KCNQ1: variants seen among roughly 807,000 people sequenced by gnomAD.
KCNQ1 encodes potassium voltage-gated channel subfamily Q member 1.
KCNQ1 carries 49 observed loss-of-function variants against 72.4 expected under a neutral mutation model. That is an observed-to-expected ratio of 0.68 (90% CI 0.54 to 0.86). The LOEUF (loss-of-function observed/expected upper bound fraction) is 0.86. Among genes scored for constraint, KCNQ1 ranks in the 40% least tolerant of loss-of-function variants. KCNQ1 has a pLI of 0.00. For missense variants in KCNQ1, 790 were observed against 945.1 expected, an observed-to-expected ratio of 0.84 and a Z score of 2.15; for synonymous variants, 450 against 412.6, an observed-to-expected ratio of 1.09 and a Z score of -1.10.
In KCNQ1 at chr11:2,592,385, A is replaced by G. The variant is rs1345089396; in HGVS notation, c.1393+3531A>G. The stretch of plus-strand genomic sequence containing the variant: ...GTCCCCCATGGTAGCATCAGAACAC[A>G]GACTAACCTGCAGCAAAAATGGGCT... On this transcript the variant is annotated intron_variant, in intron 10 of 15. Coordinates refer to ENST00000155840, the MANE Select transcript of KCNQ1 (RefSeq NM_000218.3). This position sits in a 1 kb window ranked among gnomAD's most constrained non-coding sequence, Gnocchi z 5.2. Among the ~76,000 whole-genome samples the G allele has an allele frequency of 1.3e-5, 2 of 152,174 alleles. No homozygotes were observed. Among genetic ancestry groups the G allele is most frequent in the Non-Finnish European group, 2.9e-5 (2 of 68,012 alleles).
Position 2,813,674 on chromosome 11 carries a change from G to T in KCNQ1, c.1795-34093G>T, listed in dbSNP as rs1223041419. Among the ~76,000 whole-genome samples the T allele has an allele frequency of 1.3e-5, 2 of 152,112 alleles. No homozygotes were observed. Among genetic ancestry groups the T allele is most frequent in the African/African-American group, 4.8e-5 (2 of 41,424 alleles). On this transcript the variant is annotated intron_variant, in intron 15 of 15. Transcript: ENST00000155840. This position sits in a 1 kb window ranked among gnomAD's most constrained non-coding sequence, Gnocchi z 4.4. ...CCTGGTCTATTTTTAGTCGGTGGTG[G>T]GCTGTCACTCCGGAGGCCAGTGACT...
At chr11:2,528,956 C>T (rs1231081535) in intron 2 of KCNQ1, among the ~76,000 whole-genome samples, 1 of 152,194 alleles carries the variant, frequency 6.6e-6, no homozygotes, top group Non-Finnish European at 1.5e-5. Context: ...GGACCTTGAG[C>T]CATAGCTGGA....
In KCNQ1 at chr11:2,468,601, G is replaced by T. The variant is rs1250856856; in HGVS notation, c.386+23117G>T. ...AGCGTCCCCCTGTCCCCACGACCAG[G>T]CCACTGCTGCCCTACCATCAGGCAC... On this transcript the variant is annotated intron_variant, in intron 1 of 15. Coordinates refer to ENST00000155840, the MANE Select transcript of KCNQ1 (RefSeq NM_000218.3). This position sits in a 1 kb window ranked among gnomAD's most constrained non-coding sequence, Gnocchi z 5.7. 6.6e-6 allele frequency among the ~76,000 whole-genome samples: 1 copy of T among 152,190 alleles called. No individual in the cohort carries two copies. Among genetic ancestry groups the T allele is most frequent in the African/African-American group, 2.4e-5 (1 of 41,434 alleles).
chr11:2,560,021 C>G (rs1848135294), intron 2 of KCNQ1, among the ~76,000 whole-genome samples: 1 of 150,162 alleles, frequency 6.7e-6, no homozygotes, highest in Non-Finnish European at 1.5e-5. Context: ...TGGGGAGAGG[C>G]AGCGTCCCAA....
rs1262971263 is a variant in KCNQ1, at chr11:2,769,671, C to G, written c.1590+752C>G. On this transcript the variant is annotated intron_variant, in intron 12 of 15. Coordinates refer to ENST00000155840, the MANE Select transcript of KCNQ1 (RefSeq NM_000218.3). The surrounding 1 kb of genome is among the most constrained non-coding windows in gnomAD (Gnocchi z 4.6). ...AAATACATGTGTAGGTGTGGGAACC[C>G]CGTATCCTCTGTGGTGGGTGATCCA... Among the ~76,000 whole-genome samples the G allele has an allele frequency of 6.6e-6, 1 of 152,160 alleles. No homozygotes were observed. The highest frequency in any genetic ancestry group is 1.5e-5 in the Non-Finnish European group (1 of 68,026).
rs1364857521 is a variant in KCNQ1, at chr11:2,549,934, A to G, written c.478-20694A>G. Reference sequence around the variant, plus strand: ...CCCACCGCCCCCGCCACCCAGCGCGAGCCGCGTAGAGGAGCAGGAAGGGAG... The same window carrying G: ...CCCACCGCCCCCGCCACCCAGCGCGGGCCGCGTAGAGGAGCAGGAAGGGAG... On this transcript the variant is annotated intron_variant, in intron 2 of 15. Transcript: ENST00000155840. This position sits in a 1 kb window ranked among gnomAD's most constrained non-coding sequence, Gnocchi z 6.2. 6.6e-6 allele frequency among the ~76,000 whole-genome samples: 1 copy of G among 152,078 alleles called. No individual in the cohort carries two copies. The highest frequency in any genetic ancestry group is 2.4e-5 in the African/African-American group (1 of 41,400).
At chr11:2,780,457 C>T (rs2133995700) in intron 15 of KCNQ1, among the ~76,000 whole-genome samples, 1 of 152,328 alleles carries the variant, frequency 6.6e-6, no homozygotes, top group Non-Finnish European at 1.5e-5. Context: ...TGCCCGCCGG[C>T]CCTGCCAACC....
chr11:2,584,556 T>TGTTA (rs1448189172), intron 7 of KCNQ1, among the ~76,000 whole-genome samples: 1 of 151,694 alleles, frequency 6.6e-6, no homozygotes, highest in East Asian at 1.9e-4. Flanking sequence ...TGTGTTAGTG[T>TGTTA]GTATTTGTGT....
rs567213582 is a variant in KCNQ1, at chr11:2,716,044, T to G, written c.1515-52800T>G. Among the ~76,000 whole-genome samples, 163 of 152,096 alleles carry G rather than the reference T, an allele frequency of 1.1e-3. 1 individual carries two copies. Among genetic ancestry groups the G allele is most frequent in the African/African-American group, 3.7e-3 (155 of 41,518 alleles). ...CCTTTGACCTCTCATGCACTGAGAG[T>G]AATGGGCAAGCGCTGTCTGCAGAGC... On this transcript the variant is annotated intron_variant, in intron 11 of 15. Coordinates refer to ENST00000155840, the MANE Select transcript of KCNQ1 (RefSeq NM_000218.3).
At chr11:2,558,179 G>A (rs1039088655) in intron 2 of KCNQ1, among the ~76,000 whole-genome samples, 19 of 152,174 alleles carry the variant, frequency 1.2e-4, no homozygotes, top group Non-Finnish European at 2.8e-4. Flanking sequence ...CACTCCAGCT[G>A]CCCCCCAGCA....
Position 2,769,792 on chromosome 11 carries a change from T to C in KCNQ1, c.1590+873T>C, listed in dbSNP as rs1210583164. Among the ~76,000 whole-genome samples, 3 of 152,090 alleles carry C rather than the reference T, an allele frequency of 2.0e-5. No homozygotes were observed. The highest frequency in any genetic ancestry group is 7.2e-5 in the African/African-American group (3 of 41,402). On this transcript the variant is annotated intron_variant, in intron 12 of 15. Coordinates refer to ENST00000155840, the MANE Select transcript of KCNQ1 (RefSeq NM_000218.3). This position sits in a 1 kb window ranked among gnomAD's most constrained non-coding sequence, Gnocchi z 4.6. ...TGACGTGCTTGAGTGAGTGCGTGTC[T>C]GCAGGAGCAGGGCAGGGTGGGGCTT...
At chr11:2,594,250 G>A (rs888133431) in intron 10 of KCNQ1, among the ~76,000 whole-genome samples, 3 of 152,218 alleles carry the variant, frequency 2.0e-5, no homozygotes, top group Admixed American at 6.5e-5. Context: ...AGACTCTGGA[G>A]CTGTAACACT....
chr11:2,720,773 A>G lies in KCNQ1; in HGVS notation c.1515-48071A>G, dbSNP rs1254172537. On this transcript the variant is annotated intron_variant, in intron 11 of 15. Coordinates refer to ENST00000155840, the MANE Select transcript of KCNQ1 (RefSeq NM_000218.3). The surrounding 1 kb of genome is among the most constrained non-coding windows in gnomAD (Gnocchi z 5.1). Reference sequence around the variant, plus strand: ...GTTCATAGTGTGTCCCTCTCAGCCAATGGGAAGTCGTGCCCTTGGATCATT... The same window carrying G: ...GTTCATAGTGTGTCCCTCTCAGCCAGTGGGAAGTCGTGCCCTTGGATCATT... Among the ~76,000 whole-genome samples, 1 of 152,046 alleles carries G rather than the reference A, an allele frequency of 6.6e-6. No homozygotes were observed. Among genetic ancestry groups the G allele is most frequent in the Non-Finnish European group, 1.5e-5 (1 of 68,000 alleles).
chr11:2,523,213 T>TTTA (rs1847421736), intron 1 of KCNQ1, among the ~76,000 whole-genome samples: 2 of 149,696 alleles, frequency 1.3e-5, no homozygotes, highest in African/African-American at 2.5e-5. Context: ...TTTTTTTTTG[T>TTTA]GGTGGAGTCT....
intron 11 of KCNQ1, among the ~76,000 whole-genome samples, chr11:2,742,207 T>C (rs1005523186): frequency 1.3e-5 from 2 of 152,148 alleles, no homozygotes; most frequent in African/African-American, 4.8e-5. Flanking sequence ...GCGGGTGGCT[T>C]GGGGGGTACC....
intron 10 of KCNQ1, chr11:2,636,690 C>G (rs1849472358): frequency 6.6e-6 from 1 of 152,120 alleles, no homozygotes; most frequent in Admixed American, 6.5e-5. Context: ...CAGGATGATG[C>G]TGGCCTCATA....
Position 2,766,116 on chromosome 11 carries a change from G to A in KCNQ1, c.1515-2728G>A, listed in dbSNP as rs1004118697. 3.9e-5 allele frequency among the ~76,000 whole-genome samples: 6 copies of A among 151,914 alleles called. No homozygotes were observed. The highest frequency in any genetic ancestry group is 7.4e-5 in the Non-Finnish European group (5 of 67,982). ...TACTTTTCTGGAACTTCCTTTTTAT[G>A]TATCTATAAATTTTATTTCTCTGGT... On this transcript the variant is annotated intron_variant, in intron 11 of 15. Coordinates refer to ENST00000155840, the MANE Select transcript of KCNQ1 (RefSeq NM_000218.3). This position sits in a 1 kb window ranked among gnomAD's most constrained non-coding sequence, Gnocchi z 4.4.
At chr11:2,625,937 C>T (rs1244459434) in intron 10 of KCNQ1, 5 of 398,578 alleles carry the variant, frequency 1.3e-5, no homozygotes, top group Non-Finnish European at 2.2e-5. Context: ...ATAATCTGGA[C>T]ATTAATCCCT....
At chr11:2,825,122 G>T (rs1289708622) in intron 15 of KCNQ1, among the ~76,000 whole-genome samples, 1 of 152,240 alleles carries the variant, frequency 6.6e-6, no homozygotes, top group Non-Finnish European at 1.5e-5. Flanking sequence ...CGCAGAGACA[G>T]GGTCACGGTG....
Sources: gnomAD v4.1 joint callset for allele counts (sites outside exome capture counted in the v4.1 genomes callset) on GRCh38, gnomAD v4.1.1 for gene constraint, Gnocchi (gnomAD v3.1) non-coding constraint, MANE v1.5 for transcripts, NCBI Gene and HGNC (gene_info 2026-07-23, HGNC 2026-07-21) for gene names.